The following SV2C variants were observed in gnomAD, a reference collection of about 807,000 sequenced individuals.
SV2C encodes the protein synaptic vesicle glycoprotein 2C.
Under a neutral mutation model 79.7 loss-of-function variants are expected in SV2C, and 49 were observed. That is an observed-to-expected ratio of 0.61 (90% CI 0.49 to 0.78). SV2C has a LOEUF of 0.78. SV2C is among the 30% of genes least tolerant of loss of function. The pLI is 0.00. For synonymous variants in SV2C, 334 were observed against 333.2 expected (o/e 1.00, Z -0.03); for missense variants, 833 against 912.9 (o/e 0.91, Z 1.13).
At chr5:76,177,318 A>C (rs918192020) in intron 2 of SV2C, among the ~76,000 whole-genome samples, 19 of 151,260 alleles carry the variant, frequency 1.3e-4, no homozygotes, top group Non-Finnish European at 1.3e-4. Context: ...GGAAGTACAG[A>C]GATCTTCCCT....
chr5:76,105,050 A>T (rs1454787024), intron 1 of SV2C, among the ~76,000 whole-genome samples: 1 of 152,200 alleles, frequency 6.6e-6, no homozygotes, highest in Non-Finnish European at 1.5e-5. Context: ...ATCTTTGCAG[A>T]TGAAAGTAGT....
chr5:76,121,243 A>G (rs1228855811), intron 1 of SV2C, among the ~76,000 whole-genome samples: 2 of 151,890 alleles, frequency 1.3e-5, no homozygotes, highest in Admixed American at 6.6e-5. Flanking sequence ...ACTTTGTTGG[A>G]GTTCATTGTA....
rs538101845 is a variant in SV2C at position 76,131,992 on chromosome 5, G to A, written c.242G>A (p.Gly81Glu). The part of the protein sequence containing the change: ...DDEGSSEATE[G>E]HDEDDEIYEG... Reference sequence around the variant, plus strand: ...GAAGGCTCAAGTGAAGCCACTGAGGGGCATGATGAAGATGATGAGATCTAT... The same window carrying A: ...GAAGGCTCAAGTGAAGCCACTGAGGAGCATGATGAAGATGATGAGATCTAT... The change falls in exon 2 of 13, where the codon GGG becomes GAG. Residue 81 changes from glycine to glutamate, a missense_variant. Physicochemically the swap from Gly to Glu is moderately conservative, Grantham distance 98 (BLOSUM62 -2). Coordinates refer to ENST00000502798, the MANE Select transcript of SV2C (RefSeq NM_014979.4). The A allele has an allele frequency of 5.0e-6, 8 of 1,613,696 alleles. No homozygotes were observed. The South Asian group carries it at 8.8e-5, about 18-fold the overall frequency.
intron 2 of SV2C, among the ~76,000 whole-genome samples, chr5:76,159,929 C>T (rs61236250): frequency 0.011 from 1,729 of 151,630 alleles, 28 homozygotes; most frequent in African/African-American, 0.039. Flanking sequence ...TATATACTAG[C>T]GTTGAACAAT....
rs1749117814 is a variant in SV2C at position 76,329,708 on chromosome 5, T to C, written c.*4161T>C. ...CAATCAAAATAGATAGAATATGATA[T>C]TCTCCAATTTTTTTTCTGTTTGATG... On this transcript the variant is annotated 3_prime_UTR_variant, in exon 13 of 13. Transcript: ENST00000502798. The C allele has an allele frequency of 6.6e-6, 1 of 151,034 alleles. No individual in the cohort carries two copies. The highest frequency in any genetic ancestry group is 1.5e-5 in the Non-Finnish European group (1 of 67,538). 9.4% of individuals were successfully genotyped at this position (151,034 alleles called of 1,614,324 possible).
At chr5:76,139,037 T>C (rs1226605758) in intron 2 of SV2C, among the ~76,000 whole-genome samples, 2 of 151,788 alleles carry the variant, frequency 1.3e-5, no homozygotes. Flanking sequence ...GAGAATGGCA[T>C]GAACCCGGGA....
At chr5:76,340,341 C>T (rs1025977743) in intron 12 of SV2C, among the ~76,000 whole-genome samples, 20 of 152,202 alleles carry the variant, frequency 1.3e-4, no homozygotes, top group Admixed American at 7.2e-4. Flanking sequence ...TCTTTTATTC[C>T]TTTAATTTCC....
intron 4 of SV2C, among the ~76,000 whole-genome samples, chr5:76,234,327 GA>G: frequency 6.6e-6 from 1 of 152,160 alleles, no homozygotes; most frequent in East Asian, 1.9e-4. Context: ...GCATGTTTCT[GA>G]AAAAAATTAT....
the SV2C span, among the ~76,000 whole-genome samples, chr5:75,908,996 T>C: frequency 1.3e-5 from 2 of 152,370 alleles, no homozygotes; most frequent in African/African-American, 4.8e-5. Flanking sequence ...CTTTGACATA[T>C]TAACCCATTT....
At chr5:76,301,756 A>G (rs552915508) in intron 12 of SV2C, among the ~76,000 whole-genome samples, 79 of 152,086 alleles carry the variant, frequency 5.2e-4, no homozygotes, top group Non-Finnish European at 1.0e-3. Flanking sequence ...TTAAAATACA[A>G]AAATTAGCCG....
At chr5:76,125,721 G>A (rs958029349) in intron 1 of SV2C, among the ~76,000 whole-genome samples, 1 of 152,106 alleles carries the variant, frequency 6.6e-6, no homozygotes, top group Non-Finnish European at 1.5e-5. Context: ...AAAGAAAGTG[G>A]AGGAACTAAG....
the SV2C span, among the ~76,000 whole-genome samples, chr5:76,004,256 AC>A: frequency 6.6e-6 from 1 of 152,202 alleles, no homozygotes; most frequent in Non-Finnish European, 1.5e-5. Context: ...AACAACATAC[AC>A]TACCAGAAAA....
the SV2C span, among the ~76,000 whole-genome samples, chr5:75,886,955 C>T: frequency 6.6e-6 from 1 of 152,092 alleles, no homozygotes; most frequent in Admixed American, 6.6e-5. Flanking sequence ...CCTAGGCAAA[C>T]TGGGATGGTT....
At chr5:75,946,720 C>T in the SV2C span, among the ~76,000 whole-genome samples, 1 of 152,018 alleles carries the variant, frequency 6.6e-6, no homozygotes, top group South Asian at 2.1e-4. Context: ...TCTGGAAAAA[C>T]AAAACTGTAA....
At chr5:75,953,577 A>G in the SV2C span, among the ~76,000 whole-genome samples, 4 of 152,014 alleles carry the variant, frequency 2.6e-5, no homozygotes, top group Non-Finnish European at 5.9e-5. Flanking sequence ...CTGTGCCTCC[A>G]TACATGAGTA....
chr5:75,855,402 G>T, the SV2C span, among the ~76,000 whole-genome samples: 1 of 151,968 alleles, frequency 6.6e-6, no homozygotes, highest in Non-Finnish European at 1.5e-5. Context: ...ACTGACTTTT[G>T]TGATAGATTC....
At chr5:75,947,110 G>A in the SV2C span, among the ~76,000 whole-genome samples, 2 of 151,982 alleles carry the variant, frequency 1.3e-5, no homozygotes, top group Admixed American at 1.3e-4. Context: ...TCATACAATT[G>A]GGAAGTTTTC....
At chr5:76,164,856 A>G (rs1426202025) in intron 2 of SV2C, among the ~76,000 whole-genome samples, 3 of 152,072 alleles carry the variant, frequency 2.0e-5, no homozygotes. Flanking sequence ...AGTCCCTTAT[A>G]TAAAATAGTG....
intron 2 of SV2C, among the ~76,000 whole-genome samples, chr5:76,151,131 G>A (rs1749591541): frequency 6.6e-6 from 1 of 152,206 alleles, no homozygotes; most frequent in Non-Finnish European, 1.5e-5. Flanking sequence ...GGAGACTGTG[G>A]TATTTGAGCC....
Sources: gnomAD v4.1 joint callset for allele counts (sites outside exome capture counted in the v4.1 genomes callset) on GRCh38, gnomAD v4.1.1 for gene constraint, MANE v1.5 for transcripts, NCBI Gene and HGNC (gene_info 2026-07-23, HGNC 2026-07-21) for gene names.